Variants in PPP1R14C observed in about 807,000 individuals in gnomAD.
The protein encoded by PPP1R14C is protein phosphatase 1 regulatory subunit 14C.
A neutral mutation model predicts 20.4 loss-of-function variants in PPP1R14C; 16 were observed. The observed-to-expected ratio is 0.78, with a 90% CI of 0.53 to 1.19. The LOEUF (loss-of-function observed/expected upper bound fraction) is 1.19. Among genes scored for constraint, PPP1R14C ranks in the 50% most tolerant of loss-of-function variants. The probability of loss-of-function intolerance (pLI) is 0.00; values close to 1 mark genes in which losing one functional copy is unlikely to be tolerated. For missense variants in PPP1R14C, 211 were observed against 220.1 expected (o/e 0.96, Z 0.26); for synonymous variants, 91 against 91.0 (o/e 1.00, Z 0.00).
At chr6:150,165,902 A>G (rs1777416744) in intron 1 of PPP1R14C, among the ~76,000 whole-genome samples, 1 of 152,180 alleles carries the variant, frequency 6.6e-6, no homozygotes, top group Admixed American at 6.5e-5. Flanking sequence ...TACTTTTCTC[A>G]TTTTCAAAAT....
At chr6:150,184,673 C>T (rs919013632) in intron 1 of PPP1R14C, among the ~76,000 whole-genome samples, 1 of 152,110 alleles carries the variant, frequency 6.6e-6, no homozygotes, top group Non-Finnish European at 1.5e-5. Flanking sequence ...CTCTTTTGCC[C>T]TCAGTGGGTC....
At chr6:150,233,050 A>G (rs1441777062) in intron 3 of PPP1R14C, among the ~76,000 whole-genome samples, 1 of 151,246 alleles carries the variant, frequency 6.6e-6, no homozygotes, top group Non-Finnish European at 1.5e-5. Flanking sequence ...TGCCCATGGG[A>G]CATCTCATGG....
intron 3 of PPP1R14C, among the ~76,000 whole-genome samples, chr6:150,239,521 A>C (rs1229987368): frequency 6.6e-6 from 1 of 152,222 alleles, no homozygotes; most frequent in African/African-American, 2.4e-5. Flanking sequence ...AGCTATTTTA[A>C]ACTGAATGAA....
chr6:150,234,092 A>G (rs555632135), intron 3 of PPP1R14C, among the ~76,000 whole-genome samples: 1 of 152,238 alleles, frequency 6.6e-6, no homozygotes, highest in South Asian at 2.1e-4. Context: ...CCCCAACCTT[A>G]TGTCAAAACA....
chr6:150,213,540 C>T (rs2114909435), intron 1 of PPP1R14C, among the ~76,000 whole-genome samples: 1 of 152,360 alleles, frequency 6.6e-6, no homozygotes, highest in Middle Eastern at 3.4e-3. Flanking sequence ...TCCCCATGTA[C>T]ACCTTTCTCT....
Position 150,178,082 on chromosome 6 carries a change from C to T in PPP1R14C, c.306+34584C>T, listed in dbSNP as rs114961478. On this transcript the variant is annotated intron_variant, in intron 1 of 3. Transcript: ENST00000361131. ...CTTGTGCGTGTGTCTCCTGGAGCCG[C>T]GGCTGGCCCTCACCCCCCATGCAGC... Among the ~76,000 whole-genome samples the T allele has an allele frequency of 8.9e-3, 1,353 of 152,314 alleles. 12 individuals are homozygous for T. The highest frequency in any genetic ancestry group is 0.03 in the African/African-American group (1,248 of 41,550).
intron 3 of PPP1R14C, among the ~76,000 whole-genome samples, chr6:150,242,543 A>C (rs1413460441): frequency 6.6e-6 from 1 of 152,252 alleles, no homozygotes; most frequent in East Asian, 1.9e-4. Flanking sequence ...AGCACACTAG[A>C]AATAGAAGTG....
Position 150,207,905 on chromosome 6 carries a change from C to G in PPP1R14C, c.307-6839C>G, listed in dbSNP as rs566798443. 2.0e-5 allele frequency among the ~76,000 whole-genome samples: 3 copies of G among 152,186 alleles called. No homozygotes were observed. In the South Asian group the frequency reaches 6.2e-4, roughly 32 times the overall value. ...CCTCAAGGCCTGGGAAGTTCAAGGTCGAGGGGTCATATCTGGTTGGCTTCT... is the reference window on the plus strand; with the variant it reads ...CCTCAAGGCCTGGGAAGTTCAAGGTGGAGGGGTCATATCTGGTTGGCTTCT... On this transcript the variant is annotated intron_variant, in intron 1 of 3. Coordinates refer to ENST00000361131, the MANE Select transcript of PPP1R14C (RefSeq NM_030949.3).
intron 1 of PPP1R14C, among the ~76,000 whole-genome samples, chr6:150,212,264 G>A (rs139669197): frequency 3.9e-5 from 6 of 152,318 alleles, no homozygotes; most frequent in Admixed American, 6.5e-5. Flanking sequence ...TGGTCATTGC[G>A]ACTGAGGAAC....
intron 1 of PPP1R14C, chr6:150,195,166 A>C: frequency 2.0e-6 from 2 of 984,664 alleles, no homozygotes; most frequent in Non-Finnish European, 2.4e-6. Context: ...GTTTTATGGT[A>C]GTTTTAAGCC....
intron 1 of PPP1R14C, among the ~76,000 whole-genome samples, chr6:150,146,766 C>A (rs1050285735): frequency 1.3e-5 from 2 of 152,062 alleles, no homozygotes; most frequent in African/African-American, 4.8e-5. Flanking sequence ...TTCTGGGGAC[C>A]CGGATCACAG....
Position 150,248,758 on chromosome 6 carries a change from G to A in PPP1R14C, c.436G>A (p.Glu146Lys). The part of the protein sequence containing the change: ...CYKPTEEFIK[E>K]LLSRIRGMRK... ...TGATCTCTTTTAGGAATTTATCAAA[G>A]AGCTGCTTTCTCGGATAAGAGGCAT... is the stretch of plus-strand genomic sequence containing the variant. The change falls in exon 4 of 4, where the codon GAG (glutamate) becomes AAG (lysine). Residue 146 changes from glutamate (E) to lysine (K), a missense_variant. Glu to Lys is a moderately conservative substitution (Grantham distance 56). Transcript: ENST00000361131. 6.2e-7 allele frequency: 1 copy of A among 1,611,244 alleles called. No homozygotes were observed. The highest frequency in any genetic ancestry group is 8.5e-7 in the Non-Finnish European group (1 of 1,177,534).
intron 3 of PPP1R14C, among the ~76,000 whole-genome samples, chr6:150,236,638 T>TGTGTGTGTGCGC (rs1311053700): frequency 2.1e-5 from 3 of 142,042 alleles, no homozygotes; most frequent in African/African-American, 7.4e-5. Flanking sequence ...TGTGTGTGTG[T>TGTGTGTGTGCGC]GCGCGTGTGT....
At chr6:150,189,324 T>A in intron 1 of PPP1R14C, among the ~76,000 whole-genome samples, 1 of 152,176 alleles carries the variant, frequency 6.6e-6, no homozygotes, top group Admixed American at 6.5e-5. Context: ...GATAGCACTC[T>A]CCACCCCTCA....
intron 1 of PPP1R14C, among the ~76,000 whole-genome samples, chr6:150,170,468 A>G (rs1344381562): frequency 6.6e-6 from 1 of 151,968 alleles, no homozygotes; most frequent in East Asian, 1.9e-4. Context: ...ACTACAGGCG[A>G]CTGCCACCAT....
At chr6:150,243,350 AT>A (rs978824648) in intron 3 of PPP1R14C, among the ~76,000 whole-genome samples, 1 of 151,644 alleles carries the variant, frequency 6.6e-6, no homozygotes, top group African/African-American at 2.4e-5. Context: ...TAATTTTTGT[AT>A]TTTTTTAGTA....
At chr6:150,182,668 G>A (rs140946005) in intron 1 of PPP1R14C, among the ~76,000 whole-genome samples, 9 of 152,282 alleles carry the variant, frequency 5.9e-5, no homozygotes, top group African/African-American at 1.9e-4. Context: ...ACCTTATAAC[G>A]TTATTGTGAA....
intron 1 of PPP1R14C, among the ~76,000 whole-genome samples, chr6:150,162,461 G>A (rs1777380554): frequency 6.6e-6 from 1 of 152,198 alleles, no homozygotes. Flanking sequence ...AGCATTTTCA[G>A]ACTAACTTCT....
chr6:150,165,574 AATAAT>A (rs1328478717), intron 1 of PPP1R14C, among the ~76,000 whole-genome samples: 1 of 152,248 alleles, frequency 6.6e-6, no homozygotes, highest in African/African-American at 2.4e-5. Context: ...GTAGAACTAA[AATAAT>A]AGGATTATTT....
Sources: gnomAD v4.1 joint callset for allele counts (sites outside exome capture counted in the v4.1 genomes callset) on GRCh38, gnomAD v4.1.1 for gene constraint, MANE v1.5 for transcripts, NCBI Gene and HGNC (gene_info 2026-07-23, HGNC 2026-07-21) for gene names.